Variants in APOLD1 observed in about 807,000 individuals in gnomAD.
APOLD1 encodes apolipoprotein L domain-containing protein 1.
In APOLD1, 22 loss-of-function variants were observed where a neutral mutation model predicts 15.3. The ratio of observed to expected loss-of-function variants is 1.44; its 90% CI spans 1.03 to 2.05. The LOEUF (loss-of-function observed/expected upper bound fraction) is 2.05, where lower values mean the gene tolerates loss of function less well. Among genes scored for constraint, APOLD1 ranks in the 30% most tolerant of loss-of-function variants. The pLI, the probability that APOLD1 is intolerant of heterozygous loss-of-function variation, is 0.00. For synonymous variants in APOLD1, 190 were observed against 167.4 expected, an observed-to-expected ratio of 1.13 and a Z score of -1.04; for missense variants, 394 against 353.5, an observed-to-expected ratio of 1.11 and a Z score of -0.92.
chr12:12,744,333 C>T (rs1223555889), intron 1 of APOLD1, among the ~76,000 whole-genome samples: 1 of 147,752 alleles, frequency 6.8e-6, no homozygotes, highest in Non-Finnish European at 1.5e-5. Flanking sequence ...AAATGGCTGG[C>T]TGTGGTGGCT....
intron 1 of APOLD1, among the ~76,000 whole-genome samples, chr12:12,775,556 T>C (rs1248659734): frequency 5.3e-5 from 8 of 152,164 alleles, no homozygotes; most frequent in Admixed American, 4.6e-4. Context: ...GGTGTCTCTG[T>C]ATGTTCCACT....
In APOLD1 at chr12:12,789,260, G is replaced by A. The variant is rs928923842; in HGVS notation, c.*1608G>A. The A allele has an allele frequency of 2.6e-5, 4 of 152,214 alleles. No homozygotes were observed. The highest frequency in any genetic ancestry group is 7.2e-5 in the African/African-American group (3 of 41,456). The allele number at this position is 152,214 out of a possible 1,614,324, so 9.4% of individuals were successfully genotyped here. ...AGTTTGAGTTTCTAAGGCAGGGCAT[G>A]AGCTGGAAATAGCATTGCTTTCCTT... On this transcript the variant is annotated 3_prime_UTR_variant, in exon 2 of 2. Transcript: ENST00000356591.
chr12:12,743,419 G>T (rs573999094), intron 1 of APOLD1, among the ~76,000 whole-genome samples: 3 of 151,976 alleles, frequency 2.0e-5, no homozygotes, highest in African/African-American at 7.2e-5. Context: ...TGAGGAGAGC[G>T]GTTTGGATTA....
chr12:12,749,030 A>C (rs2136378543), intron 1 of APOLD1, among the ~76,000 whole-genome samples: 1 of 152,268 alleles, frequency 6.6e-6, no homozygotes, highest in Non-Finnish European at 1.5e-5. Context: ...TGTGACCAGG[A>C]GATTTCTACT....
chr12:12,765,965 A>G lies in APOLD1; in HGVS notation c.97-20944A>G, dbSNP rs146680300. Among the ~76,000 whole-genome samples, 41 of 152,352 alleles carry G rather than the reference A, an allele frequency of 2.7e-4. No individual in the cohort carries two copies. In the East Asian group the frequency reaches 6.7e-3, roughly 25 times the overall value. ...GTTAGGATCCTCTGTTGCAAAGATC[A>G]GAAATCAAGTCACTCAAGGAATAAA... On this transcript the variant is annotated intron_variant, in intron 1 of 1. Coordinates refer to the APOLD1 transcript ENST00000326765.
chr12:12,743,846 G>A (rs1244052551), intron 1 of APOLD1, among the ~76,000 whole-genome samples: 1 of 152,174 alleles, frequency 6.6e-6, no homozygotes, highest in Non-Finnish European at 1.5e-5. Context: ...TGCTGGCTTC[G>A]AGGATGGAGG....
intron 1 of APOLD1, among the ~76,000 whole-genome samples, chr12:12,747,067 G>A (rs1188551150): frequency 2.0e-5 from 3 of 152,104 alleles, no homozygotes; most frequent in South Asian, 2.1e-4. Context: ...ACCAGGTAGC[G>A]ACTTCCGCCT....
At chr12:12,768,807 G>A (rs1946961414) in intron 1 of APOLD1, among the ~76,000 whole-genome samples, 1 of 151,416 alleles carries the variant, frequency 6.6e-6, no homozygotes, top group South Asian at 2.1e-4. Flanking sequence ...TTTTTCAAAG[G>A]TAGTTTACTT....
intron 1 of APOLD1, among the ~76,000 whole-genome samples, chr12:12,758,112 A>G (rs1307264401): frequency 1.7e-5 from 2 of 120,990 alleles, no homozygotes; most frequent in South Asian, 5.2e-4. Context: ...TTTTTTTTTT[A>G]ATTTTAGTAG....
intron 1 of APOLD1, among the ~76,000 whole-genome samples, chr12:12,777,889 GTTT>G (rs71436735): frequency 9.4e-4 from 110 of 117,064 alleles, no homozygotes; most frequent in African/African-American, 3.0e-3. Flanking sequence ...AAGGAAAGGT[GTTT>G]TTTTTTTTTT....
intron 1 of APOLD1, among the ~76,000 whole-genome samples, chr12:12,765,785 T>C (rs1000915151): frequency 6.6e-6 from 1 of 152,166 alleles, no homozygotes; most frequent in Non-Finnish European, 1.5e-5. Flanking sequence ...TATTAGGATC[T>C]CTTGAGCCTG....
chr12:12,782,196 C>T (rs1457049941), upstream of APOLD1, among the ~76,000 whole-genome samples: 1 of 151,960 alleles, frequency 6.6e-6, no homozygotes, highest in East Asian at 1.9e-4. Flanking sequence ...AAGGCGGAGG[C>T]TGCAGTGAGC....
chr12:12,765,313 G>T (rs188689123), intron 1 of APOLD1, among the ~76,000 whole-genome samples: 5 of 152,156 alleles, frequency 3.3e-5, no homozygotes, highest in South Asian at 2.1e-4. Context: ...CCAGCCTCCT[G>T]AGTAGCTGGA....
In APOLD1 at chr12:12,789,397, A is replaced by G. The variant is rs183676587; in HGVS notation, c.*1745A>G. On this transcript the variant is annotated 3_prime_UTR_variant, in exon 2 of 2. Coordinates refer to ENST00000356591, the MANE Select transcript of APOLD1 (RefSeq NM_030817.3). ...GACCAGGAGCTGAGTTTAAGCTTGT[A>G]ATGGAAGCTTGCATTGTGGGATATA... The G allele has an allele frequency of 3.7e-4, 57 of 152,360 alleles. No homozygotes were observed. Among genetic ancestry groups the G allele is most frequent in the African/African-American group, 1.3e-3 (55 of 41,584 alleles). 9.4% of individuals were successfully genotyped at this position (152,360 alleles called of 1,614,324 possible). A position where few individuals can be genotyped will look rare whatever the true frequency, so the allele number is the denominator to read the frequency against.
intron 1 of APOLD1, among the ~76,000 whole-genome samples, chr12:12,764,990 C>T (rs185657898): frequency 6.6e-6 from 1 of 152,202 alleles, no homozygotes; most frequent in Non-Finnish European, 1.5e-5. Context: ...TTCTCCCATC[C>T]TGTGCATCTG....
intron 1 of APOLD1, among the ~76,000 whole-genome samples, chr12:12,742,772 A>G (rs892826097): frequency 6.6e-6 from 1 of 151,462 alleles, no homozygotes; most frequent in African/African-American, 2.4e-5. Flanking sequence ...TAAAAAAAAA[A>G]AAAAAGGCCC....
intron 1 of APOLD1, among the ~76,000 whole-genome samples, chr12:12,750,683 T>G (rs1946806413): frequency 6.6e-6 from 1 of 152,190 alleles, no homozygotes; most frequent in Non-Finnish European, 1.5e-5. Flanking sequence ...TCATTGTTGA[T>G]CCTCTGATAT....
chr12:12,752,448 T>A (rs922640640), intron 1 of APOLD1, among the ~76,000 whole-genome samples: 3 of 152,202 alleles, frequency 2.0e-5, no homozygotes, highest in Non-Finnish European at 4.4e-5. Context: ...TCCTGTAGTT[T>A]TAATCAGAAT....
At chr12:12,775,407 G>A (rs564680729) in intron 1 of APOLD1, among the ~76,000 whole-genome samples, 19 of 152,182 alleles carry the variant, frequency 1.2e-4, no homozygotes, top group Middle Eastern at 3.4e-3. Context: ...CCCACAGAGC[G>A]TACAATACCA....
Sources: allele counts gnomAD v4.1 joint callset (sites outside exome capture counted in the v4.1 genomes callset), GRCh38; gene constraint gnomAD v4.1.1; transcripts MANE v1.5; gene names NCBI Gene and HGNC (gene_info 2026-07-23, HGNC 2026-07-21).